The following CACNA1D variants were observed in gnomAD, a reference collection of about 807,000 sequenced individuals.
CACNA1D encodes the protein voltage-dependent L-type calcium channel subunit alpha-1D.
Under a neutral mutation model 257.1 loss-of-function variants are expected in CACNA1D, and 55 were observed. The observed-to-expected ratio is 0.21, with a 90% CI of 0.17 to 0.27. CACNA1D has a LOEUF of 0.27. Ranked by LOEUF, CACNA1D falls within the 10% of genes least tolerant of loss-of-function variation. The probability of loss-of-function intolerance (pLI) is 1.00; values close to 1 mark genes in which losing one functional copy is unlikely to be tolerated. For missense variants in CACNA1D, 1,876 were observed against 2,784.0 expected (o/e 0.67, Z 7.34); for synonymous variants, 980 against 1,014.9 (o/e 0.97, Z 0.65).
chr3:53,808,670 A>C lies in CACNA1D; in HGVS notation c.5771A>C (p.Asn1924Thr), dbSNP rs752740909. The change falls in exon 46 of 48, where the codon AAC becomes ACC. Residue 1924 changes from asparagine to threonine, a missense_variant. By Grantham distance (65) the Asn-to-Thr change is moderately conservative. This residue lies in a region of CACNA1D where 491 missense variants were observed against 554.3 expected (regional missense o/e 0.89). Transcript: ENST00000350061. Reference protein sequence around the residue: ...TPASHRRSSFNFECLRRQSSQ... With the variant: ...TPASHRRSSFTFECLRRQSSQ... ...CCAGCCCACCGGAGATCCTCCTTCA[A>C]CTTTGAGTGCCTGCGCCGGCAGAGC... 6.8e-6 allele frequency: 11 copies of C among 1,609,036 alleles called. No homozygotes were observed. The East Asian group carries it at 2.5e-4, about 36-fold the overall frequency.
At chr3:53,743,360 C>T (rs1345990878) in intron 22 of CACNA1D, among the ~76,000 whole-genome samples, 1 of 152,124 alleles carries the variant, frequency 6.6e-6, no homozygotes, top group African/African-American at 2.4e-5. Context: ...TTGCTTTCAA[C>T]TGAGGTGAAA....
At chr3:53,743,895 A>T (rs1423100673) in intron 22 of CACNA1D, among the ~76,000 whole-genome samples, 1 of 152,040 alleles carries the variant, frequency 6.6e-6, no homozygotes, top group East Asian at 1.9e-4. Flanking sequence ...CTCTGCTTGG[A>T]ACAGCCCTTT....
chr3:53,684,293 A>G lies in CACNA1D; in HGVS notation c.1220+11167A>G, dbSNP rs144394358. Among the ~76,000 whole-genome samples, 91 of 152,320 alleles carry G rather than the reference A, an allele frequency of 6.0e-4. No homozygotes were observed. The East Asian group carries it at 0.016, about 26-fold the overall frequency. On this transcript the variant is annotated intron_variant, in intron 8 of 47. Transcript: ENST00000350061. ...GAGGTTCTTCAGGCTAGAAGAAAATAATACCAGATAGAAACGTTAAATGTC... is the reference window on the plus strand; with the variant it reads ...GAGGTTCTTCAGGCTAGAAGAAAATGATACCAGATAGAAACGTTAAATGTC...
At chr3:53,752,070 C>T (rs1017307412) in intron 28 of CACNA1D, among the ~76,000 whole-genome samples, 163 bp downstream of exon 28, 10 of 152,076 alleles carry the variant, frequency 6.6e-5, no homozygotes, top group Non-Finnish European at 1.0e-4. Context: ...ACAGTTGTCA[C>T]GGTAGGAGTT....
intron 3 of CACNA1D, among the ~76,000 whole-genome samples, chr3:53,612,880 T>C (rs939851559): frequency 9.2e-5 from 14 of 152,228 alleles, no homozygotes; most frequent in Admixed American, 7.2e-4. Flanking sequence ...ATTTGTTTTA[T>C]ATTTTTCCCC....
intron 9 of CACNA1D, among the ~76,000 whole-genome samples, chr3:53,706,188 G>A (rs1045219222): frequency 1.3e-5 from 2 of 152,224 alleles, no homozygotes; most frequent in African/African-American, 4.8e-5. Flanking sequence ...GCCCTTTTCA[G>A]CTGGGTCCTG....
chr3:53,535,301 T>C (rs2092082278), intron 3 of CACNA1D, among the ~76,000 whole-genome samples: 1 of 152,270 alleles, frequency 6.6e-6, no homozygotes, highest in Admixed American at 6.5e-5. Flanking sequence ...GTGTCCCAAG[T>C]GAGCCCCCTC....
At chr3:53,788,355 A>G (rs2095467088) in intron 40 of CACNA1D, among the ~76,000 whole-genome samples, 1 of 152,188 alleles carries the variant, frequency 6.6e-6, no homozygotes, top group Non-Finnish European at 1.5e-5. Flanking sequence ...TCCTAAAGGT[A>G]GCTGAGGGAA....
At chr3:53,743,150 T>G in intron 22 of CACNA1D, 33 bp downstream of exon 22, 2 of 1,272,906 alleles carry the variant, frequency 1.6e-6, no homozygotes, top group Non-Finnish European at 2.3e-6. Flanking sequence ...CCAGAATTGT[T>G]GGGCTGAATG....
Position 53,742,634 on chromosome 3 carries a change from G to A in CACNA1D, c.2812-377G>A, listed in dbSNP as rs554316658. Among the ~76,000 whole-genome samples, 6 of 152,364 alleles carry A rather than the reference G, an allele frequency of 3.9e-5. No individual in the cohort carries two copies. The South Asian group carries it at 1.2e-3, about 32-fold the overall frequency. ...CAAGGTAGGCTCTACCAGGGCCTCA[G>A]AGGGGCCAGAACCAGCACTTTGTGG... is the stretch of plus-strand genomic sequence containing the variant. On this transcript the variant is annotated intron_variant, in intron 21 of 47. Coordinates refer to ENST00000350061, the MANE Select transcript of CACNA1D (RefSeq NM_001128840.3).
chr3:53,546,520 C>T (rs2092416703), intron 3 of CACNA1D, among the ~76,000 whole-genome samples: 1 of 152,138 alleles, frequency 6.6e-6, no homozygotes, highest in Non-Finnish European at 1.5e-5. Flanking sequence ...TGGTCACAAC[C>T]ATAATTTAGC....
Position 53,804,308 on chromosome 3 carries a change from G to T in CACNA1D, c.5586-675G>T, listed in dbSNP as rs544153734. 9.2e-5 allele frequency among the ~76,000 whole-genome samples: 14 copies of T among 152,258 alleles called. No individual in the cohort carries two copies. The South Asian group carries it at 2.7e-3, about 29-fold the overall frequency. On this transcript the variant is annotated intron_variant, in intron 44 of 47. Coordinates refer to ENST00000350061, the MANE Select transcript of CACNA1D (RefSeq NM_001128840.3). ...GCCCTTCCCCGTGCCTCTCTCAAATGCCTGACTTCTGAAACCACTGACTCT... is the reference window on the plus strand; with the variant it reads ...GCCCTTCCCCGTGCCTCTCTCAAATTCCTGACTTCTGAAACCACTGACTCT...
chr3:53,575,146 C>T (rs1335615056), intron 3 of CACNA1D, among the ~76,000 whole-genome samples: 1 of 152,174 alleles, frequency 6.6e-6, no homozygotes, highest in African/African-American at 2.4e-5. Flanking sequence ...GCTTATAGGA[C>T]AGTGCTGGCG....
At chr3:53,761,961 A>G (rs778637049) in intron 29 of CACNA1D, 37 bp from the exon 30 acceptor site, 2 of 1,427,428 alleles carry the variant, frequency 1.4e-6, no homozygotes, top group East Asian at 2.3e-5. Context: ...TCATTCATAC[A>G]TGCTCATAAA....
In CACNA1D at chr3:53,800,356, T is replaced by G. The variant is rs768320728; in HGVS notation, c.5031T>G (p.Asp1677Glu). The stretch of plus-strand genomic sequence containing the variant: ...AAACAAAACGAGAAGAAGAAGATGA[T>G]GTGTTCAAAGTAATTATTCCACGCC... ...PEETKREEED[D>E]VFKRNGALLG... Residue 1677 changes from aspartate (D) to glutamate (E), a missense_variant, in exon 41 of 48, where the codon GAT becomes GAG. Physicochemically the swap from Asp to Glu is conservative, Grantham distance 45 (BLOSUM62 2). Coordinates refer to ENST00000350061, the MANE Select transcript of CACNA1D (RefSeq NM_001128840.3). This position sits in a 1 kb window ranked among gnomAD's most constrained non-coding sequence, Gnocchi z 4.3. 3 of 1,595,756 alleles carry G rather than the reference T, an allele frequency of 1.9e-6. No individual in the cohort carries two copies. Among genetic ancestry groups the G allele is most frequent in the Non-Finnish European group, 2.6e-6 (3 of 1,163,204 alleles).
chr3:53,713,494 C>CTG (rs1292006074), intron 9 of CACNA1D, among the ~76,000 whole-genome samples: 101 of 110,738 alleles, frequency 9.1e-4, no homozygotes, highest in African/African-American at 3.8e-3. Context: ...CTCATTTGCT[C>CTG]TGTGTGTATG....
chr3:53,742,052 A>C (rs1406233851), intron 21 of CACNA1D, among the ~76,000 whole-genome samples: 2 of 152,168 alleles, frequency 1.3e-5, no homozygotes, highest in African/African-American at 2.4e-5. Flanking sequence ...GAAAATGGAG[A>C]CTCACCAAGA....
At chr3:53,532,118 A>T (rs2091971482) in intron 3 of CACNA1D, among the ~76,000 whole-genome samples, 1 of 152,190 alleles carries the variant, frequency 6.6e-6, no homozygotes, top group African/African-American at 2.4e-5. Flanking sequence ...TTTCTACTGA[A>T]TTGTCGCAAA....
Position 53,710,154 on chromosome 3 carries a change from CT to C in CACNA1D, c.1390+7345del, listed in dbSNP as rs570562004. Reference sequence around the variant, plus strand: ...GAAACCTTTATCTAGCATGGGTTAGCTGGTTGTTGATTTAGAACAGGTTCTT... The same window carrying C: ...GAAACCTTTATCTAGCATGGGTTAGCGGTTGTTGATTTAGAACAGGTTCTT... On this transcript the variant is annotated intron_variant, in intron 9 of 47. Transcript: ENST00000350061. Among the ~76,000 whole-genome samples the C allele has an allele frequency of 1.0e-3, 159 of 152,278 alleles. 2 individuals are homozygous for C. The highest frequency in any genetic ancestry group is 2.2e-4 in the Non-Finnish European group (15 of 68,028).
Sources: gnomAD v4.1 joint callset for allele counts (sites outside exome capture counted in the v4.1 genomes callset) on GRCh38, gnomAD v4.1.1 for gene constraint, gnomAD v4.1.1 regional missense constraint, Gnocchi (gnomAD v3.1) non-coding constraint, MANE v1.5 for transcripts, NCBI Gene and HGNC (gene_info 2026-07-23, HGNC 2026-07-21) for gene names.